The following SCAF8 variants were observed in gnomAD, a reference collection of about 807,000 sequenced individuals.
SCAF8 encodes SR-related and CTD-associated factor 8.
In SCAF8, 23 loss-of-function variants were observed where a neutral mutation model predicts 140.5. The observed-to-expected ratio is 0.16, with a 90% confidence interval of 0.12 to 0.23. SCAF8 has a LOEUF of 0.23. SCAF8 is among the 10% of genes least tolerant of loss of function. The pLI, the probability that SCAF8 is intolerant of heterozygous loss-of-function variation, is 1.00. For synonymous variants in SCAF8, 575 were observed against 528.9 expected, an observed-to-expected ratio of 1.09 and a Z score of -1.20; for missense variants, 1,397 against 1,555.7, an observed-to-expected ratio of 0.90 and a Z score of 1.72.
At chr6:154,829,780 G>A (rs1778676751) in intron 18 of SCAF8, among the ~76,000 whole-genome samples, 1 of 151,462 alleles carries the variant, frequency 6.6e-6, no homozygotes, top group East Asian at 1.9e-4. Context: ...GGTGGCGCAC[G>A]CCTGTAATCC....
At chr6:154,746,719 G>C (rs1778708466) in intron 1 of SCAF8, among the ~76,000 whole-genome samples, 1 of 152,166 alleles carries the variant, frequency 6.6e-6, no homozygotes, top group African/African-American at 2.4e-5. Flanking sequence ...AGGGCATGTA[G>C]TTAAAATACT....
intron 1 of SCAF8, among the ~76,000 whole-genome samples, chr6:154,770,380 ACACACACACTCT>A (rs1776704089): frequency 7.2e-6 from 1 of 139,294 alleles, no homozygotes; most frequent in Non-Finnish European, 1.5e-5. Flanking sequence ...ACACACACAC[ACACACACACTCT>A]CTCTCTCTCT....
chr6:154,816,628 ATTCAT>A (rs1778259241), intron 13 of SCAF8, among the ~76,000 whole-genome samples: 1 of 152,120 alleles, frequency 6.6e-6, no homozygotes. Flanking sequence ...AGGAGACTTA[ATTCAT>A]CAGGCGTCTG....
intron 1 of SCAF8, among the ~76,000 whole-genome samples, chr6:154,746,891 TA>T (rs771722200): frequency 6.6e-6 from 1 of 152,244 alleles, no homozygotes; most frequent in Non-Finnish European, 1.5e-5. Context: ...ACATTAAAGA[TA>T]AATTAACTTT....
At chr6:154,743,400 T>TA (rs1778621282) in intron 1 of SCAF8, among the ~76,000 whole-genome samples, 1 of 152,254 alleles carries the variant, frequency 6.6e-6, no homozygotes, top group African/African-American at 2.4e-5. Context: ...TGAGAATCAT[T>TA]AGTCTCCACA....
At chr6:154,788,516 A>G (rs1378558966) in intron 4 of SCAF8, among the ~76,000 whole-genome samples, 1 of 152,152 alleles carries the variant, frequency 6.6e-6, no homozygotes, top group Non-Finnish European at 1.5e-5. Context: ...TGAATTTCTC[A>G]AACAGAGAGT....
intron 12 of SCAF8, among the ~76,000 whole-genome samples, chr6:154,813,276 G>A (rs1171659081): frequency 6.6e-6 from 1 of 151,974 alleles, no homozygotes; most frequent in African/African-American, 2.4e-5. Context: ...TATAATCCCA[G>A]TACTTTGGAA....
chr6:154,814,327 A>G (rs982356202), intron 12 of SCAF8, among the ~76,000 whole-genome samples: 5 of 152,248 alleles, frequency 3.3e-5, no homozygotes, highest in African/African-American at 1.2e-4. Context: ...AGAAACAAAC[A>G]AACGAAAAAC....
At chr6:154,743,208 C>T (rs1430124392) in intron 1 of SCAF8, among the ~76,000 whole-genome samples, 2 of 152,112 alleles carry the variant, frequency 1.3e-5, no homozygotes, top group African/African-American at 2.4e-5. Flanking sequence ...GTCCACTGTT[C>T]AAAATAGAGA....
At chr6:154,765,162 T>C (rs1776525460) in intron 1 of SCAF8, among the ~76,000 whole-genome samples, 1 of 152,214 alleles carries the variant, frequency 6.6e-6, no homozygotes, top group Admixed American at 6.5e-5. Flanking sequence ...TTGTTAGTTA[T>C]AGTGTCATTC....
chr6:154,759,805 A>G (rs1391664618), intron 1 of SCAF8, among the ~76,000 whole-genome samples: 1 of 151,670 alleles, frequency 6.6e-6, no homozygotes, highest in Non-Finnish European at 1.5e-5. Context: ...AGCTGGGACT[A>G]CAGGCGCCTG....
intron 1 of SCAF8, among the ~76,000 whole-genome samples, chr6:154,755,686 G>C (rs1400724881): frequency 6.6e-6 from 1 of 152,174 alleles, no homozygotes; most frequent in Non-Finnish European, 1.5e-5. Context: ...TATTTTATAA[G>C]ACTGTAAATA....
At chr6:154,755,511 A>G (rs980968762) in intron 1 of SCAF8, among the ~76,000 whole-genome samples, 2 of 152,136 alleles carry the variant, frequency 1.3e-5, no homozygotes, top group African/African-American at 2.4e-5. Context: ...TCGGCCTCCC[A>G]AAGTGCTGGG....
intron 1 of SCAF8, among the ~76,000 whole-genome samples, chr6:154,742,824 GT>G (rs1280991515): frequency 1.1e-4 from 16 of 152,174 alleles, no homozygotes; most frequent in Non-Finnish European, 2.1e-4. Context: ...TGACAAATTT[GT>G]TTTTAAAATA....
chr6:154,794,488 A>C (rs921481753), intron 5 of SCAF8, among the ~76,000 whole-genome samples: 1 of 151,926 alleles, frequency 6.6e-6, no homozygotes, highest in Non-Finnish European at 1.5e-5. Context: ...ATAGGGAAAA[A>C]GAGAGAGAGA....
Position 154,790,489 on chromosome 6 carries a change from A to ATTTTTTTTTTTT in SCAF8, c.322-2306_322-2295dup, listed in dbSNP as rs57095332. Reference sequence around the variant, plus strand: ...TTGTAAAACATATACATTTAACAGAATTTTTTTTTTTTTTTTTTTTTTTTT... The same window carrying ATTTTTTTTTTTT: ...TTGTAAAACATATACATTTAACAGAATTTTTTTTTTTTTTTTTTTTTTTTTTTTTTTTTTTTT... On this transcript the variant is annotated intron_variant, in intron 4 of 19. Coordinates refer to ENST00000367178, the MANE Select transcript of SCAF8 (RefSeq NM_014892.5). Among the ~76,000 whole-genome samples the ATTTTTTTTTTTT allele has an allele frequency of 5.6e-4, 40 of 70,878 alleles. 4 individuals carry two copies. The highest frequency in any genetic ancestry group is 1.8e-3 in the South Asian group (3 of 1,640). The allele number at this position is 70,878 out of a possible 152,430, so 46.5% of individuals were successfully genotyped here.
At chr6:154,742,058 A>G in intron 1 of SCAF8, 1 of 1,367,066 alleles carries the variant, frequency 7.3e-7, no homozygotes, top group African/African-American at 1.4e-5. Flanking sequence ...GCCCTTTGGA[A>G]TATGTTAGGT....
chr6:154,819,720 TA>T (rs1778357925), intron 14 of SCAF8, among the ~76,000 whole-genome samples: 1 of 152,254 alleles, frequency 6.6e-6, no homozygotes. Context: ...GGAAATCCTT[TA>T]TTGTAAATAC....
intron 1 of SCAF8, among the ~76,000 whole-genome samples, chr6:154,764,798 C>CTTTTCCAGCG (rs754258577): frequency 2.6e-5 from 4 of 152,116 alleles, no homozygotes; most frequent in Non-Finnish European, 4.4e-5. Context: ...AGCTTTCATT[C>CTTTTCCAGCG]TTTTTCAGCG....
Sources: gnomAD v4.1 joint callset for allele counts (sites outside exome capture counted in the v4.1 genomes callset) on GRCh38, gnomAD v4.1.1 for gene constraint, MANE v1.5 for transcripts, NCBI Gene and HGNC (gene_info 2026-07-23, HGNC 2026-07-21) for gene names.